The following DNAJC21 variants were observed in gnomAD, a reference collection of about 807,000 sequenced individuals.
DNAJC21 encodes the protein dnaJ homolog subfamily C member 21.
In DNAJC21, 63 loss-of-function variants were observed where a neutral mutation model predicts 72.4. The observed-to-expected ratio is 0.87, with a 90% CI of 0.71 to 1.07. The LOEUF (loss-of-function observed/expected upper bound fraction) is 1.07, where lower values mean the gene tolerates loss of function less well. Ranked by LOEUF, DNAJC21 falls within the 50% of genes least tolerant of loss-of-function variation. The probability of loss-of-function intolerance (pLI) is 0.00; values close to 1 mark genes in which losing one functional copy is unlikely to be tolerated. For synonymous variants in DNAJC21, 203 were observed against 216.7 expected, an observed-to-expected ratio of 0.94 and a Z score of 0.56; for missense variants, 634 against 644.8, an observed-to-expected ratio of 0.98 and a Z score of 0.18.
Position 34,957,258 on chromosome 5 carries a change from T to A in DNAJC21, c.*2544T>A, listed in dbSNP as rs1580546789. 6.6e-6 allele frequency: 1 copy of A among 152,316 alleles called. No homozygotes were observed. Among genetic ancestry groups the A allele is most frequent in the Admixed American group, 6.5e-5 (1 of 15,298 alleles). 9.4% of individuals were successfully genotyped at this position (152,316 alleles called of 1,614,324 possible). A position where few individuals can be genotyped will look rare whatever the true frequency, so the allele number is the denominator to read the frequency against. ...ATTAGAGGTCAGTGCTAAGTACCCA[T>A]CTTGATTGAAGTTAGCTCAGATGTG... On this transcript the variant is annotated 3_prime_UTR_variant, in exon 12 of 12. Transcript: ENST00000648817.
chr5:34,946,714 T>C (rs2112079790), intron 9 of DNAJC21, among the ~76,000 whole-genome samples: 1 of 152,294 alleles, frequency 6.6e-6, no homozygotes, highest in East Asian at 1.9e-4. Context: ...AAACACCTTA[T>C]AATTATTAGT....
At chr5:34,941,300 T>C in intron 7 of DNAJC21, 117 bp downstream of exon 7, 1 of 903,022 alleles carries the variant, frequency 1.1e-6, no homozygotes. Context: ...TGAACTCAGA[T>C]GATCCTCCCA....
At chr5:34,933,976 G>C in intron 2 of DNAJC21, 68 bp downstream of exon 2, 2 of 1,433,016 alleles carry the variant, frequency 1.4e-6, no homozygotes, top group Admixed American at 4.2e-5. Context: ...ATAGGTGGTT[G>C]TTTTTTCAAA....
intron 6 of DNAJC21, among the ~76,000 whole-genome samples, chr5:34,939,358 TG>T (rs1156883700): frequency 5.9e-5 from 9 of 152,196 alleles, no homozygotes; most frequent in African/African-American, 2.2e-4. Flanking sequence ...CTCCGCTTCC[TG>T]GGTTCACGCC....
chr5:34,952,215 A>G (rs1425898151), intron 10 of DNAJC21: 2 of 985,106 alleles, frequency 2.0e-6, no homozygotes, highest in African/African-American at 1.7e-5. Context: ...CTTTCATAAT[A>G]TAAGTGATGT....
At chr5:34,933,685 T>C (rs1324457236) in intron 1 of DNAJC21, 130 bp from the exon 2 acceptor site, 2 of 613,592 alleles carry the variant, frequency 3.3e-6, no homozygotes, top group African/African-American at 3.7e-5. Context: ...GTGGAGTCTT[T>C]CTGCTTGGCC....
At chr5:34,932,336 G>T (rs1415371226) in intron 1 of DNAJC21, among the ~76,000 whole-genome samples, 3 of 150,810 alleles carry the variant, frequency 2.0e-5, no homozygotes, top group Non-Finnish European at 2.9e-5. Flanking sequence ...CAGGAGAATC[G>T]CTTGAACCCA....
chr5:34,945,692 CT>C (rs534209289), intron 8 of DNAJC21, 68 bp from the exon 9 acceptor site: 55,774 of 913,466 alleles, frequency 0.061, no homozygotes, highest in South Asian at 0.085. Flanking sequence ...AGTGTTTCAA[CT>C]TTTTTTTTTT....
intron 7 of DNAJC21, among the ~76,000 whole-genome samples, chr5:34,942,186 A>G (rs1018331871): frequency 5.3e-5 from 8 of 152,170 alleles, no homozygotes; most frequent in African/African-American, 1.7e-4. Flanking sequence ...ACTTCCCACC[A>G]TCATTGTCCC....
rs1720926051 is a variant in DNAJC21, at chr5:34,939,028, T to G, written c.895+19T>G. 6.7e-7 allele frequency: 1 copy of G among 1,493,684 alleles called. No homozygotes were observed. Among genetic ancestry groups the G allele is most frequent in the African/African-American group, 1.4e-5 (1 of 70,140 alleles). The allele number at this position is 1,493,684 out of a possible 1,614,324, so 92.5% of individuals were successfully genotyped here. ...GAGGATGGTAATATTATTTTTATTT[T>G]ATTTATCTTTTTTGTTTTTTAAGTG... On this transcript the variant is annotated intron_variant, in intron 6 of 11. Coordinates refer to ENST00000648817, the MANE Select transcript of DNAJC21 (RefSeq NM_001012339.3).
At chr5:34,949,759 T>G in intron 9 of DNAJC21, 10 of 1,580,178 alleles carry the variant, frequency 6.3e-6, no homozygotes, top group Non-Finnish European at 8.6e-6. Context: ...TGTAGAAGAA[T>G]AGTTGCTCAT....
intron 7 of DNAJC21, among the ~76,000 whole-genome samples, chr5:34,942,836 A>T (rs1340792499): frequency 6.6e-6 from 1 of 152,182 alleles, no homozygotes; most frequent in Admixed American, 6.5e-5. Flanking sequence ...TGGGAGGTTG[A>T]GGTGGACAGA....
chr5:34,929,960 C>A, intron 1 of DNAJC21, 44 bp downstream of exon 1: 1 of 1,476,004 alleles, frequency 6.8e-7, no homozygotes, highest in Non-Finnish European at 9.2e-7. Flanking sequence ...CGGAGAAGCC[C>A]GGCCCTCCCC....
In DNAJC21 at chr5:34,937,380, G is replaced by A. The variant is rs374691803; in HGVS notation, c.493G>A (p.Ala165Thr). The change falls in exon 5 of 12, where the codon GCA becomes ACA. Residue 165 changes from alanine (A) to threonine (T), a missense_variant. Transcript: ENST00000648817. ...WQSFCTQKNF[A>T]WKEEYDTRQA... is the part of the protein sequence containing the mutation. The stretch of plus-strand genomic sequence containing the variant: ...GAGTTTCTGCACTCAAAAGAATTTT[G>A]CATGGAAGGAAGAATATGATACACG... 16 of 1,613,780 alleles carry A rather than the reference G, an allele frequency of 9.9e-6. No individual in the cohort carries two copies. Among genetic ancestry groups the A allele is most frequent in the Non-Finnish European group, 1.2e-5 (14 of 1,179,952 alleles).
At chr5:34,950,626 A>AT (rs1765331916) in intron 10 of DNAJC21, 1 of 1,046,834 alleles carries the variant, frequency 9.6e-7, no homozygotes, top group African/African-American at 1.7e-5. Flanking sequence ...TGTGGCGCTG[A>AT]TTTTGTCGTG....
intron 5 of DNAJC21, among the ~76,000 whole-genome samples, chr5:34,938,016 T>C (rs1764851480): frequency 6.6e-6 from 1 of 152,088 alleles, no homozygotes; most frequent in African/African-American, 2.4e-5. Context: ...CAGTCTGGTC[T>C]CGTACTCTTG....
chr5:34,935,937 G>T, intron 3 of DNAJC21, 104 bp downstream of exon 3: 1 of 1,506,786 alleles, frequency 6.6e-7, no homozygotes, highest in Non-Finnish European at 9.0e-7. Context: ...GTGAAGCAGT[G>T]TTCATTTTGA....
chr5:34,942,840 G>A (rs1231580878), intron 7 of DNAJC21, among the ~76,000 whole-genome samples: 1 of 152,136 alleles, frequency 6.6e-6, no homozygotes, highest in African/African-American at 2.4e-5. Context: ...AGGTTGAGGT[G>A]GACAGATCAC....
At chr5:34,949,727 T>A (rs781712036) in intron 9 of DNAJC21, 13 of 1,608,402 alleles carry the variant, frequency 8.1e-6, no homozygotes, top group Middle Eastern at 3.3e-4. Flanking sequence ...AATGCCTGTT[T>A]GTTGTTGCCA....
Sources: gnomAD v4.1 joint callset for allele counts (sites outside exome capture counted in the v4.1 genomes callset) on GRCh38, gnomAD v4.1.1 for gene constraint, MANE v1.5 for transcripts, NCBI Gene and HGNC (gene_info 2026-07-23, HGNC 2026-07-21) for gene names.